ECM2: variants seen among roughly 807,000 people sequenced by gnomAD.
ECM2 encodes the protein extracellular matrix protein 2, female organ and adipocyte specific.
ECM2 carries 57 observed loss-of-function variants against 67.5 expected under a neutral mutation model. The ratio of observed to expected loss-of-function variants is 0.84; its 90% CI spans 0.68 to 1.05. The LOEUF (loss-of-function observed/expected upper bound fraction) is 1.05. ECM2 is among the 50% of genes least tolerant of loss of function. The pLI, the probability that ECM2 is intolerant of heterozygous loss-of-function variation, is 0.00. For synonymous variants in ECM2, 258 were observed against 294.5 expected, an observed-to-expected ratio of 0.88 and a Z score of 1.27; for missense variants, 741 against 822.8, an observed-to-expected ratio of 0.90 and a Z score of 1.22.
downstream of ECM2, chr9:92,493,991 G>C: frequency 7.5e-7 from 1 of 1,325,014 alleles, no homozygotes; most frequent in Non-Finnish European, 1.1e-6. Context: ...GCGGCCCTCA[G>C]GCCCCAGTGT....
intron 4 of ECM2, among the ~76,000 whole-genome samples, chr9:92,513,261 C>T (rs1847471406): frequency 6.6e-6 from 1 of 152,164 alleles, no homozygotes; most frequent in Non-Finnish European, 1.5e-5. Flanking sequence ...TAGATGACCA[C>T]ATTCCCTCTA....
chr9:92,512,187 T>C, intron 4 of ECM2, 61 bp from the exon 5 acceptor site: 1 of 1,113,820 alleles, frequency 9.0e-7, no homozygotes, highest in Non-Finnish European at 1.4e-6. Flanking sequence ...TACACACATG[T>C]ATGGGCATGT....
At chr9:92,545,355 C>T in the ECM2 span, among the ~76,000 whole-genome samples, 1 of 152,182 alleles carries the variant, frequency 6.6e-6, no homozygotes, top group African/African-American at 2.4e-5. Context: ...TTGGCGGGCC[C>T]CGTACTGGGA....
chr9:92,527,185 T>A (rs1848467717), intron 1 of ECM2, among the ~76,000 whole-genome samples: 1 of 152,030 alleles, frequency 6.6e-6, no homozygotes, highest in Admixed American at 6.5e-5. Flanking sequence ...ATTTTTATAT[T>A]TTTTTTGTAG....
intron 2 of ECM2, among the ~76,000 whole-genome samples, chr9:92,519,175 C>T (rs538143941): frequency 5.0e-4 from 76 of 152,220 alleles, no homozygotes; most frequent in Non-Finnish European, 9.0e-4. Context: ...ATCTCTCATT[C>T]GAATACTTGC....
chr9:92,508,252 CG>C (rs1390169874), intron 6 of ECM2, among the ~76,000 whole-genome samples: 1 of 152,256 alleles, frequency 6.6e-6, no homozygotes, highest in African/African-American at 2.4e-5. Context: ...GGAGTGCAGC[CG>C]GGGGTATCTG....
At chr9:92,537,574 C>G (rs538458026), upstream of ECM2, among the ~76,000 whole-genome samples, 1 of 152,142 alleles carries the variant, frequency 6.6e-6, no homozygotes, top group South Asian at 2.1e-4. Context: ...GTAGGAGAAT[C>G]ACTTGAACCT....
chr9:92,502,632 G>A lies in ECM2; in HGVS notation c.1485C>T (p.Asn495=), dbSNP rs776125379. The change falls in exon 8 of 10, where the codon AAC becomes AAT. Residue 495 remains asparagine, a synonymous_variant. Coordinates refer to ENST00000344604, the MANE Select transcript of ECM2 (RefSeq NM_001393.4). Reference sequence around the variant, plus strand: ...AAATTTCAGTTATTTCTTCAATTTGGTTATTTTCTAGGTATAATTCCTATA... The same window carrying A: ...AAATTTCAGTTATTTCTTCAATTTGATTATTTTCTAGGTATAATTCCTATA... ...GSIEELYLEN[N]QIEEITEICF... is the part of the protein sequence containing the mutation. 4 of 1,593,368 alleles carry A rather than the reference G, an allele frequency of 2.5e-6. No homozygotes were observed. The highest frequency in any genetic ancestry group is 2.2e-5 in the South Asian group (2 of 89,734).
At chr9:92,536,092 C>T, upstream of ECM2, 1 of 476,970 alleles carries the variant, frequency 2.1e-6, no homozygotes, top group Non-Finnish European at 4.1e-6. Context: ...AACTGCCTCC[C>T]TTGGGGATAA....
chr9:92,509,166 C>G (rs901274419), intron 6 of ECM2, among the ~76,000 whole-genome samples: 2 of 151,880 alleles, frequency 1.3e-5, no homozygotes, highest in Admixed American at 6.6e-5. Context: ...TAAAGGCTGT[C>G]AGAAAGCTAG....
rs541468778 is a variant in ECM2, at chr9:92,530,620, T to C, written c.-28+5313A>G. ...TTATATCTTTCTGGTGCATTTATCATTAGGTGGATACTTTCAGTGTCTCCG... is the reference window on the plus strand; with the variant it reads ...TTATATCTTTCTGGTGCATTTATCACTAGGTGGATACTTTCAGTGTCTCCG... On this transcript the variant is annotated intron_variant, in intron 1 of 9. Transcript: ENST00000344604. 4.6e-5 allele frequency among the ~76,000 whole-genome samples: 7 copies of C among 152,334 alleles called. No homozygotes were observed. The South Asian group carries it at 1.2e-3, about 27-fold the overall frequency.
chr9:92,496,218 G>A lies in ECM2; in HGVS notation c.*97C>T. 6.8e-7 allele frequency: 1 copy of A among 1,474,272 alleles called. No individual in the cohort carries two copies. The highest frequency in any genetic ancestry group is 1.5e-5 in the South Asian group (1 of 67,426). The allele number at this position is 1,474,272 out of a possible 1,614,324, so 91.3% of individuals were successfully genotyped here. A position where few individuals can be genotyped will look rare whatever the true frequency, so the allele number is the denominator to read the frequency against. ...AGGTTGACTAGCATATAATGATACT[G>A]AGTATAACAGGAGGATTATGTCTCT... On this transcript the variant is annotated 3_prime_UTR_variant, in exon 10 of 10. Coordinates refer to ENST00000344604, the MANE Select transcript of ECM2 (RefSeq NM_001393.4).
At chr9:92,497,796 G>A (rs1846437100) in intron 9 of ECM2, among the ~76,000 whole-genome samples, 3 of 150,008 alleles carry the variant, frequency 2.0e-5, no homozygotes, top group African/African-American at 7.4e-5. Flanking sequence ...AGTCACTCAT[G>A]AATAGATTGA....
At chr9:92,531,167 T>C (rs1028845125) in intron 1 of ECM2, among the ~76,000 whole-genome samples, 3 of 152,158 alleles carry the variant, frequency 2.0e-5, no homozygotes, top group Non-Finnish European at 4.4e-5. Flanking sequence ...TTCTATTTGC[T>C]TTTTATTTGT....
At chr9:92,533,328 A>AAAAAAAAAAAATAT (rs1554683138) in intron 1 of ECM2, among the ~76,000 whole-genome samples, 1 of 38,332 alleles carries the variant, frequency 2.6e-5, no homozygotes, top group Non-Finnish European at 4.3e-5. Flanking sequence ...AAAAAAAAAA[A>AAAAAAAAAAAATAT]ATATATATAT....
At chr9:92,501,600 C>A (rs771431736) in intron 8 of ECM2, among the ~76,000 whole-genome samples, 2 of 152,166 alleles carry the variant, frequency 1.3e-5, no homozygotes, top group Non-Finnish European at 2.9e-5. Context: ...ATCTGGGGAA[C>A]GTGGTGAACT....
intron 7 of ECM2, among the ~76,000 whole-genome samples, chr9:92,503,048 T>C (rs1846786850): frequency 6.6e-6 from 1 of 152,056 alleles, no homozygotes; most frequent in African/African-American, 2.4e-5. Context: ...GCTCAAGTGA[T>C]CTACCCGCCT....
chr9:92,553,570 C>T, the ECM2 span, among the ~76,000 whole-genome samples: 1 of 152,218 alleles, frequency 6.6e-6, no homozygotes, highest in East Asian at 1.9e-4. Flanking sequence ...TTTGTGTCAT[C>T]TATGATTTCT....
At chr9:92,516,861 G>A (rs1847757944) in intron 3 of ECM2, 1 of 152,190 alleles carries the variant, frequency 6.6e-6, no homozygotes, top group Admixed American at 6.5e-5. Flanking sequence ...CTGGCAAGGA[G>A]ACTTTTGTAG....
Sources: allele counts gnomAD v4.1 joint callset (sites outside exome capture counted in the v4.1 genomes callset), GRCh38; gene constraint gnomAD v4.1.1; transcripts MANE v1.5; gene names NCBI Gene and HGNC (gene_info 2026-07-23, HGNC 2026-07-21).